SPMIP7: variants seen among roughly 807,000 people sequenced by gnomAD.
SPMIP7 encodes the protein protein SPMIP7.
the SPMIP7 span, among the ~76,000 whole-genome samples, chr7:50,121,883 C>A: frequency 6.6e-6 from 1 of 152,096 alleles, no homozygotes; most frequent in African/African-American, 2.4e-5. Flanking sequence ...CCTTGAACTC[C>A]TGACCTCAGA....
the SPMIP7 span, among the ~76,000 whole-genome samples, chr7:50,114,065 T>C: frequency 6.6e-6 from 1 of 152,042 alleles, no homozygotes; most frequent in Non-Finnish European, 1.5e-5. Flanking sequence ...TAACTAACAA[T>C]AAAAATATTT....
the SPMIP7 span, among the ~76,000 whole-genome samples, chr7:50,157,703 G>A: frequency 1.3e-5 from 2 of 152,064 alleles, no homozygotes; most frequent in Non-Finnish European, 2.9e-5. Context: ...ACTGCATTGT[G>A]TGTGTAATTC....
At chr7:50,107,386 G>GAAAAAAAAAAAA in the SPMIP7 span, among the ~76,000 whole-genome samples, 1 of 47,350 alleles carries the variant, frequency 2.1e-5, no homozygotes, top group Non-Finnish European at 3.7e-5. Context: ...AAAAAAAAAA[G>GAAAAAAAAAAAA]AAAAGAAAAG....
chr7:50,101,612 G>A, the SPMIP7 span, among the ~76,000 whole-genome samples: 5 of 152,256 alleles, frequency 3.3e-5, no homozygotes, highest in Admixed American at 6.5e-5. Flanking sequence ...GTAATTCATC[G>A]TCCAGAGTCC....
At chr7:50,107,376 A>G in the SPMIP7 span, among the ~76,000 whole-genome samples, 12 of 82,486 alleles carry the variant, frequency 1.5e-4, no homozygotes, top group African/African-American at 5.0e-4. Flanking sequence ...AAAAAAAAAA[A>G]AAAAAAAAAG....
At chr7:50,136,169 A>G in the SPMIP7 span, 7 of 1,543,398 alleles carry the variant, frequency 4.5e-6, no homozygotes, top group African/African-American at 2.7e-5. Flanking sequence ...TTAATTTGTA[A>G]GTTTTATCTC....
the SPMIP7 span, among the ~76,000 whole-genome samples, chr7:50,124,413 C>T: frequency 6.6e-6 from 1 of 152,062 alleles, no homozygotes; most frequent in Admixed American, 6.6e-5. Flanking sequence ...GAACACTACA[C>T]CAAACACACA....
chr7:50,096,908 G>T, the SPMIP7 span, among the ~76,000 whole-genome samples: 3 of 152,134 alleles, frequency 2.0e-5, no homozygotes, highest in Non-Finnish European at 1.5e-5. Flanking sequence ...GGATAAGCTT[G>T]TTTTACCACA....
the SPMIP7 span, chr7:50,136,170 G>A: frequency 6.5e-7 from 1 of 1,542,904 alleles, no homozygotes. Flanking sequence ...TAATTTGTAA[G>A]TTTTATCTCC....
At chr7:50,127,922 A>G in the SPMIP7 span, among the ~76,000 whole-genome samples, 9 of 152,136 alleles carry the variant, frequency 5.9e-5, no homozygotes, top group Non-Finnish European at 1.0e-4. Context: ...TCAAAAACCT[A>G]AAACTAGAAA....
chr7:50,158,163 C>A, the SPMIP7 span, among the ~76,000 whole-genome samples: 518 of 151,398 alleles, frequency 3.4e-3, no homozygotes, highest in Middle Eastern at 0.01. Context: ...CCAGGACCCC[C>A]ACCCATGTCT....
chr7:50,145,218 G>A, the SPMIP7 span, among the ~76,000 whole-genome samples: 12 of 151,292 alleles, frequency 7.9e-5, no homozygotes, highest in African/African-American at 1.5e-4. Flanking sequence ...AGCCAAGATC[G>A]CGCCACTGCA....
chr7:50,096,355 A>G, the SPMIP7 span: 1 of 1,552,180 alleles, frequency 6.4e-7, no homozygotes, highest in South Asian at 1.2e-5. Context: ...CATATGGGCC[A>G]CATTATCCAT....
At chr7:50,127,611 CT>C in the SPMIP7 span, among the ~76,000 whole-genome samples, 1 of 80,286 alleles carries the variant, frequency 1.2e-5, no homozygotes, top group African/African-American at 5.7e-5. Flanking sequence ...CTATTCATAT[CT>C]TTTTCTATAT....
At chr7:50,104,477 T>TACAA in the SPMIP7 span, 2 of 425,394 alleles carry the variant, frequency 4.7e-6, no homozygotes, top group Non-Finnish European at 7.2e-6. Context: ...ATATATATAA[T>TACAA]TAGTTTATTT....
chr7:50,096,098 A>C, the SPMIP7 span: 1 of 1,484,148 alleles, frequency 6.7e-7, no homozygotes, highest in Admixed American at 2.6e-5. Context: ...GGATGTAGAA[A>C]TTCAGGACAC....
chr7:50,132,634 C>A, the SPMIP7 span, among the ~76,000 whole-genome samples: 2 of 152,062 alleles, frequency 1.3e-5, no homozygotes, highest in East Asian at 3.9e-4. Context: ...TAATTTCTTA[C>A]ATACAATACT....
At chr7:50,154,117 T>C in the SPMIP7 span, among the ~76,000 whole-genome samples, 1 of 152,204 alleles carries the variant, frequency 6.6e-6, no homozygotes, top group African/African-American at 2.4e-5. Context: ...AAATAAATTC[T>C]GTTGTGTATA....
At chr7:50,134,301 C>G in the SPMIP7 span, 8 of 1,424,070 alleles carry the variant, frequency 5.6e-6, no homozygotes, top group East Asian at 1.8e-4. Context: ...GAAATGAGTT[C>G]TAAAACTTTA....
Sources: gnomAD v4.1 joint callset for allele counts (sites outside exome capture counted in the v4.1 genomes callset) on GRCh38, gnomAD v4.1.1 for gene constraint, MANE v1.5 for transcripts, NCBI Gene and HGNC (gene_info 2026-07-23, HGNC 2026-07-21) for gene names.